The following SPI1 variants were observed in gnomAD, a reference collection of about 807,000 sequenced individuals.
The protein encoded by SPI1 is transcription factor PU.1.
Under a neutral mutation model 30.7 loss-of-function variants are expected in SPI1, and 3 were observed. The ratio of observed to expected loss-of-function variants is 0.10; its 90% confidence interval spans 0.04 to 0.25. The LOEUF (loss-of-function observed/expected upper bound fraction) is 0.25. Ranked by LOEUF, SPI1 falls within the 10% of genes least tolerant of loss-of-function variation. The pLI, the probability that SPI1 is intolerant of heterozygous loss-of-function variation, is 1.00. For synonymous variants in SPI1, 169 were observed against 157.1 expected (o/e 1.08, Z -0.56); for missense variants, 261 against 371.5 (o/e 0.70, Z 2.45).
intron 2 of SPI1, among the ~76,000 whole-genome samples, chr11:47,365,765 C>T (rs370565478): frequency 1.4e-4 from 22 of 152,102 alleles, no homozygotes; most frequent in East Asian, 5.8e-4. Flanking sequence ...GGCACGATCT[C>T]GGCTCACTGC....
intron 2 of SPI1, among the ~76,000 whole-genome samples, chr11:47,361,694 C>T (rs968707658): frequency 2.6e-5 from 4 of 152,156 alleles, no homozygotes; most frequent in African/African-American, 7.2e-5. Flanking sequence ...TGCGTGTGTA[C>T]GTGTGTACAA....
chr11:47,364,959 C>A (rs1046533513), intron 2 of SPI1, among the ~76,000 whole-genome samples: 9 of 152,178 alleles, frequency 5.9e-5, no homozygotes, highest in Non-Finnish European at 1.2e-4. Flanking sequence ...ACTGAGACTC[C>A]CGAGCTACAA....
At position 47,355,539 on chromosome 11, in the gene SPI1, C is replaced by T. The variant is rs1222341980; in HGVS notation, c.501G>A (p.Lys167=). ...GGAACTGGTACAGGCGGATCTTCTT[C>T]TTGCTGCCTGCGGGGGGGAGGGCCC... The part of the protein sequence containing the change: ...PGLLPGETGS[K]KKIRLYQFLL... Residue 167 remains lysine, a synonymous_variant, in exon 5 of 5, where the codon AAG becomes AAA. Coordinates refer to ENST00000378538, the MANE Select transcript of SPI1 (RefSeq NM_003120.3). 1.3e-6 allele frequency: 2 copies of T among 1,574,948 alleles called. No homozygotes were observed. The highest frequency in any genetic ancestry group is 2.8e-5 in the African/African-American group (2 of 72,646).
At chr11:47,370,529 C>T (rs967478272) in intron 2 of SPI1, among the ~76,000 whole-genome samples, 61 of 151,790 alleles carry the variant, frequency 4.0e-4, no homozygotes, top group African/African-American at 1.5e-3. Flanking sequence ...TGGCGAAACC[C>T]CATCTCTACT....
At chr11:47,369,315 C>A (rs1437712222) in intron 2 of SPI1, among the ~76,000 whole-genome samples, 1 of 152,146 alleles carries the variant, frequency 6.6e-6, no homozygotes, top group Non-Finnish European at 1.5e-5. Context: ...CCTTCAAAGT[C>A]TATCTTGAAT....
At chr11:47,356,019 T>A (rs769240150) in intron 4 of SPI1, among the ~76,000 whole-genome samples, 1 of 150,294 alleles carries the variant, frequency 6.7e-6, no homozygotes, top group Non-Finnish European at 1.5e-5. Flanking sequence ...ATCACACACA[T>A]GCTGTCACAC....
Position 47,378,470 on chromosome 11 carries a change from G to T in SPI1, c.-117C>A, listed in dbSNP as rs2142901718. ...GTCGTGGGGCGGGTGCAGGGCTCAGGCCTGCCCCCTGAGCTACAGGAGCCC... is the reference window on the plus strand; with the variant it reads ...GTCGTGGGGCGGGTGCAGGGCTCAGTCCTGCCCCCTGAGCTACAGGAGCCC... On this transcript the variant is annotated 5_prime_UTR_variant, in exon 1 of 5. Coordinates refer to ENST00000378538, the MANE Select transcript of SPI1 (RefSeq NM_003120.3). The T allele has an allele frequency of 9.0e-7, 1 of 1,111,286 alleles. No individual in the cohort carries two copies. The highest frequency in any genetic ancestry group is 1.3e-6 in the Non-Finnish European group (1 of 759,388). 68.8% of individuals were successfully genotyped at this position (1,111,286 alleles called of 1,614,324 possible).
chr11:47,355,213 CG>C lies in SPI1; in HGVS notation c.*13del. The C allele has an allele frequency of 1.5e-6, 2 of 1,339,564 alleles. No homozygotes were observed. The highest frequency in any genetic ancestry group is 9.5e-7 in the Non-Finnish European group (1 of 1,051,404). 83.0% of individuals were successfully genotyped at this position (1,339,564 alleles called of 1,614,324 possible). A position where few individuals can be genotyped will look rare whatever the true frequency, so the allele number is the denominator to read the frequency against. ...AGCGGGGAGGCCTGGCGGGGCCCGG[CG>C]GGGGCTGCGGGCTCAGTGGGGCGGG... On this transcript the variant is annotated 3_prime_UTR_variant, in exon 5 of 5. Coordinates refer to ENST00000378538, the MANE Select transcript of SPI1 (RefSeq NM_003120.3).
chr11:47,367,172 AG>A (rs2095929499), intron 2 of SPI1, among the ~76,000 whole-genome samples: 3 of 152,094 alleles, frequency 2.0e-5, no homozygotes, highest in African/African-American at 7.2e-5. Context: ...GTGCTATGAA[AG>A]GATGAAGAAG....
At chr11:47,366,074 T>G (rs1294665564) in intron 2 of SPI1, among the ~76,000 whole-genome samples, 6 of 152,150 alleles carry the variant, frequency 3.9e-5, no homozygotes, top group African/African-American at 1.4e-4. Flanking sequence ...TCATCCACCC[T>G]ACATCCATCC....
chr11:47,368,500 C>T (rs1361608526), intron 2 of SPI1, among the ~76,000 whole-genome samples: 6 of 152,240 alleles, frequency 3.9e-5, no homozygotes, highest in African/African-American at 9.6e-5. Flanking sequence ...GGCAGAAACA[C>T]CCTAAGTGTC....
chr11:47,356,707 C>A (rs1383463210), intron 4 of SPI1, among the ~76,000 whole-genome samples: 1 of 151,500 alleles, frequency 6.6e-6, no homozygotes, highest in Non-Finnish European at 1.5e-5. Flanking sequence ...ACACACATGC[C>A]CCTGCTCACA....
intron 1 of SPI1, among the ~76,000 whole-genome samples, chr11:47,378,027 A>G (rs532485764): frequency 2.0e-4 from 30 of 152,192 alleles, no homozygotes; most frequent in Admixed American, 1.7e-3. Flanking sequence ...CCTCCCCAGG[A>G]GCCCCGGCCT....
intron 4 of SPI1, among the ~76,000 whole-genome samples, 154 bp from the exon 5 acceptor site, chr11:47,355,700 A>C (rs1005652030): frequency 6.6e-6 from 1 of 151,744 alleles, no homozygotes; most frequent in Non-Finnish European, 1.5e-5. Context: ...TACACAACGC[A>C]CCCACACTCA....
chr11:47,358,813 C>T lies in SPI1; in HGVS notation c.493+31G>A, dbSNP rs201791759. The T allele has an allele frequency of 4.6e-4, 707 of 1,548,274 alleles. 8 individuals are homozygous for T. The East Asian group carries it at 8.8e-3, about 19-fold the overall frequency. On this transcript the variant is annotated intron_variant, in intron 4 of 4. Coordinates refer to ENST00000378538, the MANE Select transcript of SPI1 (RefSeq NM_003120.3). ...GGCAGGGCACAGACACGGCCAGGGT[C>T]GGGGCCAGGGTGGAGGGCCAGGTGC... is the stretch of plus-strand genomic sequence containing the variant.
At chr11:47,367,782 C>T (rs1389270393) in intron 2 of SPI1, among the ~76,000 whole-genome samples, 9 of 85,960 alleles carry the variant, frequency 1.0e-4, no homozygotes, top group African/African-American at 2.4e-4. Context: ...TTTTTTGAGA[C>T]GGAGTCTTGC....
rs1595856923 is a variant in SPI1, at chr11:47,359,015, T to G, written c.331-9A>C. On this transcript the variant is annotated splice_polypyrimidine_tract_variant and intron_variant, in intron 3 of 4. Transcript: ENST00000378538. This position sits in a 1 kb window ranked among gnomAD's most constrained non-coding sequence, Gnocchi z 5.1. ...CGGGGCAGGTAGGAGACCTGGACGG[T>G]GGGGGAAGGAGATCAGAGTCAGGAA... 2 of 1,518,190 alleles carry G rather than the reference T, an allele frequency of 1.3e-6. No homozygotes were observed. The highest frequency in any genetic ancestry group is 1.8e-6 in the Non-Finnish European group (2 of 1,135,410). 94.0% of individuals were successfully genotyped at this position (1,518,190 alleles called of 1,614,324 possible).
chr11:47,358,110 C>G (rs891602484), intron 4 of SPI1: 1 of 196,258 alleles, frequency 5.1e-6, no homozygotes, highest in South Asian at 9.3e-5. Flanking sequence ...CCAGCTCACA[C>G]CTTCCTGCTC....
intron 2 of SPI1, among the ~76,000 whole-genome samples, chr11:47,364,150 C>T (rs1353237038): frequency 1.3e-5 from 2 of 150,524 alleles, no homozygotes; most frequent in African/African-American, 2.4e-5. Context: ...CCTGGGTTCA[C>T]GCCATTCTCC....
Sources: gnomAD v4.1 joint callset for allele counts (sites outside exome capture counted in the v4.1 genomes callset) on GRCh38, gnomAD v4.1.1 for gene constraint, Gnocchi (gnomAD v3.1) non-coding constraint, MANE v1.5 for transcripts, NCBI Gene and HGNC (gene_info 2026-07-23, HGNC 2026-07-21) for gene names.